Variants in PBX1 observed in about 807,000 individuals in gnomAD.
The protein encoded by PBX1 is PBX homeobox 1.
In PBX1, 6 loss-of-function variants were observed where a neutral mutation model predicts 53.4. The ratio of observed to expected loss-of-function variants is 0.11; its 90% CI spans 0.06 to 0.22. The LOEUF is 0.22. PBX1 is among the 10% of genes least tolerant of loss of function. PBX1 has a pLI of 1.00. For synonymous variants in PBX1, 204 were observed against 212.3 expected, an observed-to-expected ratio of 0.96 and a Z score of 0.34; for missense variants, 251 against 551.4, an observed-to-expected ratio of 0.46 and a Z score of 5.46.
chr1:164,756,442 C>T (rs949644872), intron 2 of PBX1, among the ~76,000 whole-genome samples: 3 of 152,138 alleles, frequency 2.0e-5, no homozygotes, highest in African/African-American at 7.2e-5. Context: ...CACGTTTGTA[C>T]ACAGAAATGC....
At chr1:164,630,240 C>T (rs1658323782) in intron 2 of PBX1, among the ~76,000 whole-genome samples, 1 of 152,186 alleles carries the variant, frequency 6.6e-6, no homozygotes, top group Non-Finnish European at 1.5e-5. Context: ...ATAATTTGTT[C>T]TTGGATGACG....
intron 2 of PBX1, among the ~76,000 whole-genome samples, chr1:164,665,343 G>A (rs1283284234): frequency 2.0e-5 from 3 of 152,142 alleles, no homozygotes; most frequent in African/African-American, 7.2e-5. Flanking sequence ...GGAGTGCAGT[G>A]TTGCGATCTC....
intron 4 of PBX1, among the ~76,000 whole-genome samples, chr1:164,801,158 T>A (rs181141561): frequency 5.3e-5 from 8 of 152,192 alleles, no homozygotes; most frequent in Non-Finnish European, 7.4e-5. Flanking sequence ...ATAGAATAAG[T>A]CAAGAGAAAG....
chr1:164,793,176 T>A (rs983996437), intron 3 of PBX1, among the ~76,000 whole-genome samples: 1 of 152,126 alleles, frequency 6.6e-6, no homozygotes, highest in African/African-American at 2.4e-5. Flanking sequence ...AGGCCTATAC[T>A]TTTTCTGGGT....
chr1:164,602,868 G>C (rs1656275349), intron 2 of PBX1, among the ~76,000 whole-genome samples: 2 of 152,150 alleles, frequency 1.3e-5, no homozygotes, highest in African/African-American at 4.8e-5. Context: ...GTAAATTAAG[G>C]GCTGAGTGTA....
intron 2 of PBX1, chr1:164,770,257 T>C (rs1465484710): frequency 1.3e-5 from 2 of 152,220 alleles, no homozygotes; most frequent in Admixed American, 6.5e-5. Flanking sequence ...CTCTGCTCTT[T>C]ATAGATAAAG....
chr1:164,671,287 A>G (rs1323155378), intron 2 of PBX1, among the ~76,000 whole-genome samples: 1 of 150,310 alleles, frequency 6.7e-6, no homozygotes, highest in Non-Finnish European at 1.5e-5. Flanking sequence ...TTGCTGGAGG[A>G]TTTCATTAAT....
intron 1 of PBX1, 87 bp from the exon 2 acceptor site, chr1:164,563,151 A>G: frequency 2.2e-6 from 2 of 895,864 alleles, no homozygotes; most frequent in African/African-American, 1.7e-5. Flanking sequence ...AATTTTGTCT[A>G]AATGTTCAAA....
intron 2 of PBX1, among the ~76,000 whole-genome samples, chr1:164,571,487 G>A (rs1047822296): frequency 2.0e-5 from 3 of 151,880 alleles, no homozygotes; most frequent in Non-Finnish European, 4.4e-5. Context: ...GCACGTTTTC[G>A]AGGGTCATCC....
chr1:164,853,207 C>T (rs1426063284), downstream of PBX1, among the ~76,000 whole-genome samples: 1 of 152,090 alleles, frequency 6.6e-6, no homozygotes, highest in Admixed American at 6.6e-5. Context: ...GAAGGCCCAC[C>T]CGCTTCTTGA....
At chr1:164,614,786 T>C (rs1360705501) in intron 2 of PBX1, among the ~76,000 whole-genome samples, 2 of 152,172 alleles carry the variant, frequency 1.3e-5, no homozygotes, top group Non-Finnish European at 2.9e-5. Context: ...TTTTTTTCTT[T>C]TTTTGAGTTG....
rs182261024 is a variant in PBX1, at chr1:164,581,288, C to T, written c.265+17977C>T. ...TGTCACCCAGGCTGTAGTGCAGTGG[C>T]GCAATCTCGGCTCACTGCAACCTCC... On this transcript the variant is annotated intron_variant, in intron 2 of 8. Transcript: ENST00000420696. 3.3e-4 allele frequency among the ~76,000 whole-genome samples: 50 copies of T among 149,416 alleles called. No homozygotes were observed. In the East Asian group the frequency reaches 7.8e-3, roughly 23 times the overall value.
At chr1:164,788,386 GTT>G (rs59857388) in intron 2 of PBX1, among the ~76,000 whole-genome samples, 2,420 of 140,058 alleles carry the variant, frequency 0.017, 60 homozygotes, top group African/African-American at 0.057. Context: ...TAATGTTGGT[GTT>G]TTTTTTTTTT....
intron 2 of PBX1, among the ~76,000 whole-genome samples, chr1:164,612,445 C>A (rs1039632151): frequency 3.3e-5 from 5 of 152,124 alleles, no homozygotes; most frequent in Admixed American, 3.3e-4. Context: ...CGTTTAGCCA[C>A]CTCTCGTAGC....
chr1:164,791,852 G>A (rs1428706104), intron 2 of PBX1, among the ~76,000 whole-genome samples: 1 of 152,002 alleles, frequency 6.6e-6, no homozygotes, highest in Non-Finnish European at 1.5e-5. Flanking sequence ...GTGGAGTCTT[G>A]CTCTGTTGCC....
chr1:164,856,931 G>A (rs12046575), intron 2 of PBX1, among the ~76,000 whole-genome samples: 75,069 of 151,804 alleles, frequency 0.49, 18,852 homozygotes, highest in Middle Eastern at 0.53. Context: ...GATCCTAAAA[G>A]CAAGACCACA....
intron 2 of PBX1, among the ~76,000 whole-genome samples, chr1:164,689,988 C>A (rs1435909787): frequency 6.6e-6 from 1 of 152,174 alleles, no homozygotes; most frequent in East Asian, 1.9e-4. Flanking sequence ...GCCTTGATTA[C>A]TTCTACTGCT....
intron 2 of PBX1, among the ~76,000 whole-genome samples, chr1:164,707,981 AC>A (rs1014235634): frequency 6.6e-6 from 1 of 152,212 alleles, no homozygotes; most frequent in Non-Finnish European, 1.5e-5. Flanking sequence ...GGCAGGCTAG[AC>A]TTCAAGTGGC....
At chr1:164,700,816 G>A in intron 2 of PBX1, 5 of 814,578 alleles carry the variant, frequency 6.1e-6, no homozygotes, top group Non-Finnish European at 7.4e-6. Context: ...TTTTGGTGGT[G>A]GCCAGCCCTG....
Sources: allele counts gnomAD v4.1 joint callset (sites outside exome capture counted in the v4.1 genomes callset), GRCh38; gene constraint gnomAD v4.1.1; transcripts MANE v1.5; gene names NCBI Gene and HGNC (gene_info 2026-07-23, HGNC 2026-07-21).